Variants in AJAP1 observed in about 807,000 individuals in gnomAD.
AJAP1 encodes adherens junctions associated protein 1.
AJAP1 carries 5 observed loss-of-function variants against 35.0 expected under a neutral mutation model. The ratio of observed to expected loss-of-function variants is 0.14; its 90% CI spans 0.07 to 0.30. The LOEUF (loss-of-function observed/expected upper bound fraction) is 0.30. AJAP1 is among the 10% of genes least tolerant of loss of function. The pLI is 1.00. For missense variants in AJAP1, 586 were observed against 571.0 expected (o/e 1.03, Z -0.27); for synonymous variants, 284 against 249.3 (o/e 1.14, Z -1.31).
rs1354682011 is a variant in AJAP1 at position 4,720,458 on chromosome 1, T to C, written c.829+7759T>C. 1.3e-5 allele frequency among the ~76,000 whole-genome samples: 2 copies of C among 152,324 alleles called. No individual in the cohort carries two copies. Among genetic ancestry groups the C allele is most frequent in the African/African-American group, 4.8e-5 (2 of 41,580 alleles). ...AGGTGGGCCATGTCAGGGACAAAGC[T>C]GGTGCCAGCGGAGAGAGCGCCCACC... On this transcript the variant is annotated intron_variant, in intron 2 of 5. Coordinates refer to ENST00000378191, the MANE Select transcript of AJAP1 (RefSeq NM_018836.4). The surrounding 1 kb of genome is among the most constrained non-coding windows in gnomAD (Gnocchi z 4.4).
chr1:4,687,924 A>C (rs1639644043), intron 1 of AJAP1, among the ~76,000 whole-genome samples: 1 of 152,254 alleles, frequency 6.6e-6, no homozygotes, highest in Non-Finnish European at 1.5e-5. Flanking sequence ...CCAACGATGA[A>C]CAAAGCCTTC....
At chr1:4,774,151 G>T (rs1425480418) in intron 4 of AJAP1, among the ~76,000 whole-genome samples, 1 of 152,230 alleles carries the variant, frequency 6.6e-6, no homozygotes, top group Non-Finnish European at 1.5e-5. Flanking sequence ...TGTGGAGACG[G>T]CACAGCCTTC....
chr1:4,715,911 A>G (rs537706735), intron 2 of AJAP1, among the ~76,000 whole-genome samples: 84 of 152,342 alleles, frequency 5.5e-4, no homozygotes, highest in African/African-American at 1.9e-3. Context: ...GCTTTGCCAC[A>G]TACTGGGGGG....
chr1:4,688,373 G>C (rs769787795), intron 1 of AJAP1, among the ~76,000 whole-genome samples: 1 of 152,140 alleles, frequency 6.6e-6, no homozygotes, highest in Admixed American at 6.6e-5. Flanking sequence ...TAACTATTCC[G>C]GTTGACATTC....
intron 1 of AJAP1, among the ~76,000 whole-genome samples, chr1:4,696,633 G>A (rs1243009394): frequency 6.6e-6 from 1 of 152,252 alleles, no homozygotes; most frequent in Non-Finnish European, 1.5e-5. Context: ...AGGCTGCAGA[G>A]GGAACCTTGC....
chr1:4,766,258 G>T (rs1641681412), intron 2 of AJAP1, among the ~76,000 whole-genome samples: 1 of 152,102 alleles, frequency 6.6e-6, no homozygotes, highest in Admixed American at 6.6e-5. Context: ...TGTGACTGAG[G>T]CCATACTGCC....
chr1:4,740,436 G>C (rs1641033477), intron 2 of AJAP1, among the ~76,000 whole-genome samples: 1 of 151,978 alleles, frequency 6.6e-6, no homozygotes, highest in Non-Finnish European at 1.5e-5. Flanking sequence ...GGAGTTGGAG[G>C]GTGGTGGTGA....
intron 2 of AJAP1, among the ~76,000 whole-genome samples, chr1:4,754,894 C>T (rs549298617): frequency 3.7e-4 from 56 of 152,210 alleles, no homozygotes; most frequent in African/African-American, 1.3e-3. Flanking sequence ...GGACAGTGCT[C>T]ACAGCCACCA....
At chr1:4,781,502 TC>T (rs1223891177) in intron 5 of AJAP1, among the ~76,000 whole-genome samples, 1 of 152,230 alleles carries the variant, frequency 6.6e-6, no homozygotes, top group Non-Finnish European at 1.5e-5. Flanking sequence ...CTGGAAAAAT[TC>T]TAGAGCTCCC....
intron 5 of AJAP1, among the ~76,000 whole-genome samples, chr1:4,781,662 G>A (rs1642065990): frequency 6.6e-6 from 1 of 152,216 alleles, no homozygotes; most frequent in African/African-American, 2.4e-5. Context: ...GTTGAAAGGA[G>A]CTCTGAGTGA....
chr1:4,714,930 T>C (rs1640354450), intron 2 of AJAP1, among the ~76,000 whole-genome samples: 1 of 152,150 alleles, frequency 6.6e-6, no homozygotes, highest in Non-Finnish European at 1.5e-5. Context: ...ACAATTTAGG[T>C]TACACACTGG....
At position 4,786,442 on chromosome 1, in the gene AJAP1, A is replaced by C. The variant is rs956012120; in HGVS notation, c.*3957A>C. 3.9e-5 allele frequency: 6 copies of C among 152,178 alleles called. No homozygotes were observed. The highest frequency in any genetic ancestry group is 1.4e-4 in the African/African-American group (6 of 41,450). 9.4% of individuals were successfully genotyped at this position (152,178 alleles called of 1,614,324 possible). A position where few individuals can be genotyped will look rare whatever the true frequency, so the allele number is the denominator to read the frequency against. On this transcript the variant is annotated 3_prime_UTR_variant, in exon 6 of 6. Transcript: ENST00000378191. ...GACACCAGGAAACCCGTTACTACTA[A>C]TGTGATCTTACCATCTTAATCCTTT...
rs1640271457 is a variant in AJAP1, at chr1:4,712,291, G to A, written c.421G>A (p.Val141Met). The A allele has an allele frequency of 1.3e-6, 2 of 1,499,766 alleles. No individual in the cohort carries two copies. The highest frequency in any genetic ancestry group is 1.8e-6 in the Non-Finnish European group (2 of 1,126,512). 92.9% of individuals were successfully genotyped at this position (1,499,766 alleles called of 1,614,324 possible). The change falls in exon 2 of 6, where the codon GTG becomes ATG. Residue 141 changes from valine to methionine, a missense_variant. By Grantham distance (21) the Val-to-Met change is conservative (BLOSUM62 1). Coordinates refer to ENST00000378191, the MANE Select transcript of AJAP1 (RefSeq NM_018836.4). ...TTCGTCCTCGTCCTCGTCCTCCGCG[G>A]TGGCCGGTGGGGCCCCGGAGCAGCA... is the stretch of plus-strand genomic sequence containing the variant. ...ASSSSSSSSA[V>M]AGGAPEQQAL...
intron 2 of AJAP1, among the ~76,000 whole-genome samples, chr1:4,741,988 C>T (rs1301344077): frequency 1.3e-5 from 2 of 152,202 alleles, no homozygotes; most frequent in African/African-American, 4.8e-5. Context: ...AAGGACAATT[C>T]TTTATGGTAG....
chr1:4,665,499 C>T (rs1639096128), intron 1 of AJAP1, among the ~76,000 whole-genome samples: 1 of 152,208 alleles, frequency 6.6e-6, no homozygotes, highest in Non-Finnish European at 1.5e-5. Context: ...TGCACAGAAG[C>T]CTGATGCTCT....
rs149344061 is a variant in AJAP1, at chr1:4,710,899, C to T, written c.30-1001C>T. 9.4e-3 allele frequency among the ~76,000 whole-genome samples: 1,433 copies of T among 152,312 alleles called. 26 individuals carry two copies. Among genetic ancestry groups the T allele is most frequent in the African/African-American group, 0.032 (1,349 of 41,572 alleles). On this transcript the variant is annotated intron_variant, in intron 1 of 5. Coordinates refer to ENST00000378191, the MANE Select transcript of AJAP1 (RefSeq NM_018836.4). ...GCGACCCCAGACCTGGTGACAAAGCCGCTCCATGTGAACTGGGGAGGGGCC... is the reference window on the plus strand; with the variant it reads ...GCGACCCCAGACCTGGTGACAAAGCTGCTCCATGTGAACTGGGGAGGGGCC...
intron 5 of AJAP1, among the ~76,000 whole-genome samples, chr1:4,775,635 C>T (rs1045777733): frequency 2.0e-5 from 3 of 152,210 alleles, no homozygotes; most frequent in African/African-American, 7.2e-5. Flanking sequence ...CTCATCCTGG[C>T]ACTAATGAAC....
chr1:4,697,541 G>T (rs532125906), intron 1 of AJAP1, among the ~76,000 whole-genome samples: 2 of 152,348 alleles, frequency 1.3e-5, no homozygotes, highest in South Asian at 2.1e-4. Context: ...ACTTCTGAGT[G>T]ACCATGGCTG....
intron 2 of AJAP1, among the ~76,000 whole-genome samples, chr1:4,765,052 T>A (rs1018329763): frequency 6.6e-6 from 1 of 152,210 alleles, no homozygotes; most frequent in Non-Finnish European, 1.5e-5. Context: ...TTTCATCATC[T>A]GGATGGCAGC....
Sources: gnomAD v4.1 joint callset for allele counts (sites outside exome capture counted in the v4.1 genomes callset) on GRCh38, gnomAD v4.1.1 for gene constraint, Gnocchi (gnomAD v3.1) non-coding constraint, MANE v1.5 for transcripts, NCBI Gene and HGNC (gene_info 2026-07-23, HGNC 2026-07-21) for gene names.